The following SMIM45 variants were observed in gnomAD, a reference collection of about 807,000 sequenced individuals.
SMIM45 encodes small integral membrane protein 45, also known as long intergenic non-protein coding RNA 634.
chr22:41,958,513 G>T, the SMIM45 span: 1 of 344,450 alleles, frequency 2.9e-6, no homozygotes, highest in Non-Finnish European at 5.5e-6. Flanking sequence ...AGAGAGTCTG[G>T]GGGGAGCGGG....
chr22:41,947,509 G>C, the SMIM45 span, among the ~76,000 whole-genome samples: 1 of 151,418 alleles, frequency 6.6e-6, no homozygotes, highest in Non-Finnish European at 1.5e-5. Context: ...CTGGGACTAC[G>C]GGCGCGCGTC....
chr22:41,955,247 C>G, the SMIM45 span, among the ~76,000 whole-genome samples: 1 of 151,508 alleles, frequency 6.6e-6, no homozygotes, highest in Non-Finnish European at 1.5e-5. Context: ...GTGGCACAGT[C>G]GTGGCTCACT....
chr22:41,946,973 G>A, the SMIM45 span: 1 of 1,597,144 alleles, frequency 6.3e-7, no homozygotes, highest in Non-Finnish European at 8.6e-7. Flanking sequence ...CTGAAGCACC[G>A]CCCAGGAGGA....
chr22:41,947,257 C>T, the SMIM45 span: 2 of 606,962 alleles, frequency 3.3e-6, no homozygotes, highest in African/African-American at 1.8e-5. Flanking sequence ...GGCGTTCCAG[C>T]GCTACCCGTG....
the SMIM45 span, among the ~76,000 whole-genome samples, chr22:41,948,395 G>A: frequency 2.0e-5 from 3 of 152,152 alleles, no homozygotes; most frequent in Non-Finnish European, 4.4e-5. Context: ...GGGTGGGATA[G>A]ACAATGATAA....
chr22:41,950,504 C>T, the SMIM45 span, among the ~76,000 whole-genome samples: 10 of 150,922 alleles, frequency 6.6e-5, no homozygotes, highest in African/African-American at 2.4e-4. Context: ...TCAAGACCGG[C>T]TTGGGCAATA....
the SMIM45 span, among the ~76,000 whole-genome samples, chr22:41,951,628 C>G: frequency 1.3e-5 from 2 of 152,196 alleles, no homozygotes; most frequent in Non-Finnish European, 2.9e-5. Context: ...GGCTCTGACC[C>G]TGGCATTGCT....
the SMIM45 span, among the ~76,000 whole-genome samples, chr22:41,948,545 C>T: frequency 6.6e-6 from 1 of 152,134 alleles, no homozygotes; most frequent in Non-Finnish European, 1.5e-5. Context: ...GCCCTCAGCA[C>T]AGATACGGCT....
At chr22:41,958,507 A>AGT in the SMIM45 span, 30 of 392,742 alleles carry the variant, frequency 7.6e-5, no homozygotes, top group African/African-American at 6.1e-4. Flanking sequence ...AGAGAGAGAG[A>AGT]GTCTGGGGGG....
chr22:41,957,105 G>T, the SMIM45 span, among the ~76,000 whole-genome samples: 1 of 151,400 alleles, frequency 6.6e-6, no homozygotes, highest in Non-Finnish European at 1.5e-5. Context: ...GGGTGAATAG[G>T]AGCTGGGTGT....
the SMIM45 span, among the ~76,000 whole-genome samples, chr22:41,953,170 G>A: frequency 6.6e-6 from 1 of 152,154 alleles, no homozygotes; most frequent in Admixed American, 6.6e-5. Flanking sequence ...AGGACCTTTG[G>A]GGTAGGAGAG....
chr22:41,954,325 G>A, the SMIM45 span, among the ~76,000 whole-genome samples: 3 of 149,168 alleles, frequency 2.0e-5, no homozygotes, highest in Non-Finnish European at 4.4e-5. Context: ...TCCTGCCTCA[G>A]CCTGTTGAGT....
At chr22:41,956,250 A>G in the SMIM45 span, among the ~76,000 whole-genome samples, 5 of 152,066 alleles carry the variant, frequency 3.3e-5, no homozygotes, top group African/African-American at 2.4e-5. Context: ...GGCTCAAGCA[A>G]TCCACCCGCT....
At chr22:41,947,302 C>T in the SMIM45 span, 2 of 580,642 alleles carry the variant, frequency 3.4e-6, no homozygotes, top group Non-Finnish European at 6.2e-6. Flanking sequence ...GTTCCACGCT[C>T]CACAGTAAGC....
At chr22:41,947,895 G>A in the SMIM45 span, among the ~76,000 whole-genome samples, 1 of 152,088 alleles carries the variant, frequency 6.6e-6, no homozygotes, top group Non-Finnish European at 1.5e-5. Context: ...TCAGCCTCCT[G>A]AGTAGCTGGG....
At chr22:41,953,755 T>G in the SMIM45 span, among the ~76,000 whole-genome samples, 6 of 94,626 alleles carry the variant, frequency 6.3e-5, no homozygotes, top group East Asian at 4.6e-4. Context: ...TTTTTTTTTT[T>G]TTTTTTTTTT....
the SMIM45 span, among the ~76,000 whole-genome samples, chr22:41,949,544 C>T: frequency 2.0e-5 from 3 of 152,164 alleles, no homozygotes; most frequent in African/African-American, 4.8e-5. Flanking sequence ...TGATTGAGCT[C>T]CCAGAGACTG....
the SMIM45 span, among the ~76,000 whole-genome samples, chr22:41,948,999 A>C: frequency 6.6e-6 from 1 of 152,176 alleles, no homozygotes. Context: ...TGGGAGGCAG[A>C]GGTTGCAGTG....
the SMIM45 span, chr22:41,947,143 C>T: frequency 6.5e-7 from 1 of 1,529,826 alleles, no homozygotes; most frequent in Non-Finnish European, 9.0e-7. Context: ...CTGAGTCCAG[C>T]CCCTAGAGCG....
Sources: allele counts gnomAD v4.1 joint callset (sites outside exome capture counted in the v4.1 genomes callset), GRCh38; gene constraint gnomAD v4.1.1; transcripts MANE v1.5; gene names NCBI Gene and HGNC (gene_info 2026-07-23, HGNC 2026-07-21).